The following GTF3C1 variants were observed in gnomAD, a reference collection of about 807,000 sequenced individuals.
GTF3C1 encodes the protein general transcription factor IIIC subunit 1, also known as general transcription factor 3C polypeptide 1.
A neutral mutation model predicts 226.7 loss-of-function variants in GTF3C1; 57 were observed. That is an observed-to-expected ratio of 0.25 (90% CI 0.20 to 0.31). The LOEUF (loss-of-function observed/expected upper bound fraction) is 0.31. GTF3C1 is among the 10% of genes least tolerant of loss of function. GTF3C1 has a pLI of 1.00. For missense variants in GTF3C1, 2,217 were observed against 2,776.1 expected (o/e 0.80, Z 4.53); for synonymous variants, 1,090 against 1,084.8 (o/e 1.00, Z -0.09).
Position 27,469,219 on chromosome 16 carries a change from A to C in GTF3C1, c.5074+72T>G. ...TGGGGAGCCTGAAGGTCTAGGTCCC[A>C]GGCCAGGCCTCAGGGTCTTCCTGGA... On this transcript the variant is annotated intron_variant, in intron 32 of 36. Transcript: ENST00000356183. The surrounding 1 kb of genome is among the most constrained non-coding windows in gnomAD (Gnocchi z 4.5). 1 of 1,457,674 alleles carries C rather than the reference A, an allele frequency of 6.9e-7. No individual in the cohort carries two copies. Among genetic ancestry groups the C allele is most frequent in the Non-Finnish European group, 9.2e-7 (1 of 1,085,472 alleles). 90.3% of individuals were successfully genotyped at this position (1,457,674 alleles called of 1,614,324 possible).
At chr16:27,543,615 C>A (rs1481539402) in intron 2 of GTF3C1, among the ~76,000 whole-genome samples, 1 of 152,094 alleles carries the variant, frequency 6.6e-6, no homozygotes, top group East Asian at 1.9e-4. Context: ...CCAGGCTAGT[C>A]TTTAACTCCC....
chr16:27,501,311 C>T lies in GTF3C1; in HGVS notation c.1941G>A (p.Gln647=), dbSNP rs544900612. The change falls in exon 12 of 37, where the codon CAG becomes CAA. Residue 647 remains glutamine (Q), a synonymous_variant. Coordinates refer to ENST00000356183, the MANE Select transcript of GTF3C1 (RefSeq NM_001520.4). ...TGCAGCACTTGGTGGACACGCCTTC[C>T]TGCTTCTCCTGATCCATGATCATCT... ...IQKMIMDQEK[Q]EGVSTKCCKK... 1.2e-6 allele frequency: 2 copies of T among 1,614,172 alleles called. No homozygotes were observed. The highest frequency in any genetic ancestry group is 1.7e-6 in the Non-Finnish European group (2 of 1,179,996).
chr16:27,496,087 GTTGTTTAA>G (rs2088312164), intron 14 of GTF3C1, among the ~76,000 whole-genome samples: 2 of 152,218 alleles, frequency 1.3e-5, no homozygotes, highest in Admixed American at 6.5e-5. Context: ...ATGAGATCTG[GTTGTTTAA>G]AAGTGTGTGG....
At chr16:27,506,160 G>A in intron 9 of GTF3C1, 44 bp from the exon 10 acceptor site, 1 of 1,135,612 alleles carries the variant, frequency 8.8e-7, no homozygotes, top group Non-Finnish European at 1.3e-6. Context: ...GGGGAGGCCA[G>A]GAGGGCATTC....
chr16:27,490,299 A>G (rs567213563), intron 19 of GTF3C1, among the ~76,000 whole-genome samples: 119 of 152,368 alleles, frequency 7.8e-4, no homozygotes, highest in Non-Finnish European at 1.3e-3. Flanking sequence ...TTATTCTGTA[A>G]TACAGAAAAT....
chr16:27,489,226 GAA>G, intron 20 of GTF3C1, 48 bp from the exon 21 acceptor site: 12 of 1,598,088 alleles, frequency 7.5e-6, no homozygotes, highest in Non-Finnish European at 1.0e-5. Context: ...GGTCATCACC[GAA>G]AAAGAGAGCC....
intron 6 of GTF3C1, among the ~76,000 whole-genome samples, chr16:27,523,510 T>C (rs953359644): frequency 3.3e-5 from 5 of 152,068 alleles, no homozygotes; most frequent in African/African-American, 1.2e-4. Context: ...TTTTGCAAAC[T>C]GGAAAGACAA....
chr16:27,489,183 A>G lies in GTF3C1; in HGVS notation c.3294-5T>C. The G allele has an allele frequency of 6.2e-7, 1 of 1,613,892 alleles. No homozygotes were observed. ...TCCACCACCTCACGGCTTCCACTAA[A>G]AGACAGGAAATCAACAGAAAAGAGC... On this transcript the variant is annotated splice_region_variant and splice_polypyrimidine_tract_variant and intron_variant, in intron 20 of 36. Coordinates refer to ENST00000356183, the MANE Select transcript of GTF3C1 (RefSeq NM_001520.4).
chr16:27,534,415 C>T (rs2088968559), intron 4 of GTF3C1, among the ~76,000 whole-genome samples: 1 of 152,010 alleles, frequency 6.6e-6, no homozygotes, highest in Non-Finnish European at 1.5e-5. Flanking sequence ...GGAGAGCACA[C>T]GTATGGGATC....
chr16:27,462,041 A>G lies in GTF3C1; in HGVS notation c.6117+253T>C. ...GGCCCGGCGGACTCATGAGTTAGTG[A>G]CCCCTGGCACAGAGAAAGCATCAGA... On this transcript the variant is annotated intron_variant, in intron 36 of 36. Transcript: ENST00000356183. The surrounding 1 kb of genome is among the most constrained non-coding windows in gnomAD (Gnocchi z 4.5). The G allele has an allele frequency of 2.0e-6, 1 of 508,462 alleles. No individual in the cohort carries two copies. The highest frequency in any genetic ancestry group is 3.5e-6 in the Non-Finnish European group (1 of 284,056). The allele number at this position is 508,462 out of a possible 1,614,324, so 31.5% of individuals were successfully genotyped here.
In GTF3C1 at chr16:27,510,221, T is replaced by TA. The variant is rs2088552824; in HGVS notation, c.1126+1527dup. Among the ~76,000 whole-genome samples the TA allele has an allele frequency of 3.9e-5, 6 of 152,104 alleles. No individual in the cohort carries two copies. In the South Asian group the frequency reaches 1.2e-3, roughly 32 times the overall value. ...TAACACGGTGAAACCCCGTCTCTAC[T>TA]AAAAATACAAAAAAATTAGTGGGGC... On this transcript the variant is annotated intron_variant, in intron 7 of 36. Transcript: ENST00000356183.
At chr16:27,481,688 C>T (rs945667008) in intron 26 of GTF3C1, among the ~76,000 whole-genome samples, 5 of 152,170 alleles carry the variant, frequency 3.3e-5, no homozygotes, top group Admixed American at 2.0e-4. Flanking sequence ...AAGCTGGTTG[C>T]GTCACCCAGT....
At chr16:27,505,720 T>G (rs1164241871) in intron 10 of GTF3C1, among the ~76,000 whole-genome samples, 179 bp downstream of exon 10, 1 of 152,230 alleles carries the variant, frequency 6.6e-6, no homozygotes, top group African/African-American at 2.4e-5. Flanking sequence ...GGGCCCAGGC[T>G]GCGTGAAAGT....
chr16:27,505,962 G>C lies in GTF3C1; in HGVS notation c.1707C>G (p.His569Gln). The C allele has an allele frequency of 2.5e-6, 4 of 1,613,626 alleles. No homozygotes were observed. Among genetic ancestry groups the C allele is most frequent in the Non-Finnish European group, 3.4e-6 (4 of 1,179,474 alleles). ...TGTCACCACTGTTGCTGTCCGCACA[G>C]TGGGAGACAAAGGACACGTTGGGTT... ...VSEPNVSFVS[H>Q]CADSNSGDIA... The change falls in exon 10 of 37, where the codon CAC becomes CAG. Residue 569 changes from histidine (H) to glutamine (Q), a missense_variant. His to Gln is a conservative substitution (Grantham distance 24). This residue lies in a region of GTF3C1 where 173 missense variants were observed against 207.2 expected (regional missense o/e 0.83). Coordinates refer to ENST00000356183, the MANE Select transcript of GTF3C1 (RefSeq NM_001520.4).
In GTF3C1 at chr16:27,493,227, G is replaced by A; in HGVS notation, c.2848C>T (p.Pro950Ser). The A allele has an allele frequency of 6.2e-7, 1 of 1,610,180 alleles. No individual in the cohort carries two copies. The highest frequency in any genetic ancestry group is 8.5e-7 in the Non-Finnish European group (1 of 1,176,398). Residue 950 changes from proline to serine, a missense_variant, in exon 17 of 37, where the codon CCC (proline) becomes TCC (serine). This residue lies in a region of GTF3C1 where 353 missense variants were observed against 411.7 expected (regional missense o/e 0.86). Coordinates refer to ENST00000356183, the MANE Select transcript of GTF3C1 (RefSeq NM_001520.4). The part of the protein sequence containing the change: ...KHTLIRFLPR[P>S]IRQQLLYKRR... The stretch of plus-strand genomic sequence containing the variant: ...TTGTACAGAAGCTGCTGCCGAATGG[G>A]CCTGGGGAGAAAGCGGATCAGCGTG...
At chr16:27,508,927 C>G in intron 7 of GTF3C1, among the ~76,000 whole-genome samples, 1 of 152,144 alleles carries the variant, frequency 6.6e-6, no homozygotes, top group Admixed American at 6.5e-5. Context: ...GTCAGGTGAT[C>G]AACAGCTGAA....
At chr16:27,516,646 T>A (rs1368724333) in intron 6 of GTF3C1, among the ~76,000 whole-genome samples, 1 of 152,186 alleles carries the variant, frequency 6.6e-6, no homozygotes, top group African/African-American at 2.4e-5. Flanking sequence ...TATATACATA[T>A]ATATTTTTCT....
intron 6 of GTF3C1, among the ~76,000 whole-genome samples, chr16:27,517,777 T>C (rs1028101100): frequency 1.3e-5 from 2 of 152,212 alleles, no homozygotes; most frequent in African/African-American, 4.8e-5. Flanking sequence ...GTGATTTTAC[T>C]TACTCATCAC....
At chr16:27,535,291 G>T (rs1432768938) in intron 4 of GTF3C1, among the ~76,000 whole-genome samples, 2 of 152,194 alleles carry the variant, frequency 1.3e-5, no homozygotes, top group Non-Finnish European at 2.9e-5. Context: ...CCATATGATG[G>T]GCCGGATGTG....
Sources: allele counts gnomAD v4.1 joint callset (sites outside exome capture counted in the v4.1 genomes callset), GRCh38; gene constraint gnomAD v4.1.1; regional missense constraint gnomAD v4.1.1; non-coding constraint Gnocchi (gnomAD v3.1); transcripts MANE v1.5; gene names NCBI Gene and HGNC (gene_info 2026-07-23, HGNC 2026-07-21).